The following PKD2L2 variants were observed in gnomAD, a reference collection of about 807,000 sequenced individuals.
PKD2L2 encodes polycystin 2 like 2, transient receptor potential cation channel.
PKD2L2 carries 67 observed loss-of-function variants against 83.9 expected under a neutral mutation model. The observed-to-expected ratio is 0.80, with a 90% CI of 0.66 to 0.98. PKD2L2 has a LOEUF of 0.98. Among genes scored for constraint, PKD2L2 ranks in the 50% least tolerant of loss-of-function variants. PKD2L2 has a pLI of 0.00. For synonymous variants in PKD2L2, 223 were observed against 237.8 expected (o/e 0.94, Z 0.57); for missense variants, 632 against 717.2 (o/e 0.88, Z 1.36).
intron 2 of PKD2L2, among the ~76,000 whole-genome samples, chr5:137,892,157 A>G (rs532256518): frequency 6.6e-6 from 1 of 152,354 alleles, no homozygotes; most frequent in South Asian, 2.1e-4. Context: ...ACCACTCACC[A>G]TACTATATTG....
rs1289914617 is a variant in PKD2L2, at chr5:137,940,560, A to C, written c.*18-1824A>C. 7.9e-6 allele frequency: 4 copies of C among 503,740 alleles called. No homozygotes were observed. The East Asian group carries it at 1.4e-4, about 17-fold the overall frequency. 31.2% of individuals were successfully genotyped at this position (503,740 alleles called of 1,614,324 possible). On this transcript the variant is annotated intron_variant, in intron 14 of 14. Transcript: ENST00000508883. ...ATGGACTTCTCTACTGATAGATTAA[A>C]TGATGCTATACTTATAAATAATCAA...
intron 4 of PKD2L2, among the ~76,000 whole-genome samples, chr5:137,898,238 A>G (rs1296642751): frequency 6.6e-6 from 1 of 152,230 alleles, no homozygotes; most frequent in African/African-American, 2.4e-5. Context: ...AAGTGCTGGG[A>G]TTACAGGCAT....
intron 14 of PKD2L2, chr5:137,940,020 G>A: frequency 6.2e-7 from 1 of 1,611,016 alleles, no homozygotes; most frequent in South Asian, 1.1e-5. Context: ...ACAGTCTGTG[G>A]TTAATATGGA....
intron 14 of PKD2L2, chr5:137,940,217 A>T (rs1761225678): frequency 1.2e-6 from 2 of 1,614,028 alleles, no homozygotes; most frequent in Non-Finnish European, 1.7e-6. Context: ...ATTTTCAAGG[A>T]ACGTATCTTA....
chr5:137,913,299 T>A (rs529743731), intron 8 of PKD2L2, among the ~76,000 whole-genome samples: 309 of 145,060 alleles, frequency 2.1e-3, no homozygotes, highest in Non-Finnish European at 2.5e-3. Flanking sequence ...TCCTCCCACC[T>A]CAGCCTCCTG....
intron 12 of PKD2L2, 107 bp downstream of exon 12, chr5:137,926,036 G>C: frequency 1.6e-6 from 1 of 610,552 alleles, no homozygotes; most frequent in Non-Finnish European, 3.0e-6. Context: ...TTTCAGAATA[G>C]TAATTGTCAT....
At chr5:137,934,315 T>C (rs1193900227) in intron 12 of PKD2L2, among the ~76,000 whole-genome samples, 1 of 152,256 alleles carries the variant, frequency 6.6e-6, no homozygotes, top group African/African-American at 2.4e-5. Context: ...GACGGGTTTT[T>C]AAAATAAGTT....
At chr5:137,936,535 A>G (rs1403286903) in intron 14 of PKD2L2, 108 bp downstream of exon 14, 2 of 775,962 alleles carry the variant, frequency 2.6e-6, no homozygotes, top group African/African-American at 1.8e-5. Flanking sequence ...GGCTCACTGC[A>G]AACTCCACCT....
intron 5 of PKD2L2, among the ~76,000 whole-genome samples, chr5:137,900,886 C>G (rs1756897575): frequency 6.6e-6 from 1 of 151,996 alleles, no homozygotes; most frequent in Non-Finnish European, 1.5e-5. Context: ...GCCTATAATC[C>G]CAGCACTTTG....
chr5:137,907,622 T>G, intron 6 of PKD2L2, 120 bp from the exon 7 acceptor site: 1 of 495,576 alleles, frequency 2.0e-6, no homozygotes, highest in African/African-American at 1.9e-5. Flanking sequence ...GCATATGTCC[T>G]ATCTTTCCTT....
rs527625149 is a variant in PKD2L2 at position 137,903,994 on chromosome 5, G to A, written c.747-2212G>A. Among the ~76,000 whole-genome samples, 13 of 152,292 alleles carry A rather than the reference G, an allele frequency of 8.5e-5. No homozygotes were observed. In the South Asian group the frequency reaches 2.3e-3, roughly 27 times the overall value. ...TGGTTTCGAACTCCTGACCTCAGGC[G>A]ATCCACCCGCCTTGGCCTCCCAAAG... On this transcript the variant is annotated intron_variant, in intron 5 of 14. Transcript: ENST00000508883.
intron 14 of PKD2L2, chr5:137,942,142 A>G (rs888530043): frequency 4.1e-6 from 4 of 965,500 alleles, no homozygotes; most frequent in Non-Finnish European, 6.3e-6. Flanking sequence ...GTGGCTGGGG[A>G]ACTGTTAGGT....
At chr5:137,893,023 C>A (rs1580884218) in intron 3 of PKD2L2, among the ~76,000 whole-genome samples, 1 of 152,150 alleles carries the variant, frequency 6.6e-6, no homozygotes, top group East Asian at 1.9e-4. Context: ...GAGCCAAGAT[C>A]ATGCCATTGC....
chr5:137,938,012 C>T (rs1760642556), intron 14 of PKD2L2: 1 of 151,834 alleles, frequency 6.6e-6, no homozygotes, highest in Non-Finnish European at 1.5e-5. Flanking sequence ...AAGTGCCAGA[C>T]ACAGCAATGC....
intron 12 of PKD2L2, among the ~76,000 whole-genome samples, chr5:137,934,683 A>T (rs547469073): frequency 6.6e-6 from 1 of 152,158 alleles, no homozygotes; most frequent in African/African-American, 2.4e-5. Context: ...GTGGTGGTGC[A>T]CGCCTGTAAT....
chr5:137,941,650 C>A (rs1249992042), intron 14 of PKD2L2, among the ~76,000 whole-genome samples: 1 of 152,208 alleles, frequency 6.6e-6, no homozygotes, highest in African/African-American at 2.4e-5. Flanking sequence ...TCTCATTTCA[C>A]AACCACTCCC....
intron 3 of PKD2L2, among the ~76,000 whole-genome samples, chr5:137,893,301 A>G (rs544245887): frequency 1.3e-5 from 2 of 152,164 alleles, no homozygotes; most frequent in Non-Finnish European, 1.5e-5. Context: ...TTTATATATA[A>G]GAATATAATT....
intron 12 of PKD2L2, among the ~76,000 whole-genome samples, chr5:137,926,492 C>T (rs551294770): frequency 3.7e-4 from 56 of 152,040 alleles, no homozygotes; most frequent in Non-Finnish European, 6.2e-4. Context: ...TTCTCATTTT[C>T]GGATAAAGGA....
intron 8 of PKD2L2, among the ~76,000 whole-genome samples, chr5:137,917,812 G>C (rs920052245): frequency 6.6e-6 from 1 of 152,014 alleles, no homozygotes; most frequent in Non-Finnish European, 1.5e-5. Flanking sequence ...CCATTGAATG[G>C]CTCATATTTC....
Sources: allele counts gnomAD v4.1 joint callset (sites outside exome capture counted in the v4.1 genomes callset), GRCh38; gene constraint gnomAD v4.1.1; transcripts MANE v1.5; gene names NCBI Gene and HGNC (gene_info 2026-07-23, HGNC 2026-07-21).